The following GRIA2 variants were observed in gnomAD, a reference collection of about 807,000 sequenced individuals.
The protein encoded by GRIA2 is glutamate receptor 2.
In GRIA2, 14 loss-of-function variants were observed where a neutral mutation model predicts 97.3. The observed-to-expected ratio is 0.14, with a 90% CI of 0.10 to 0.23. The LOEUF (loss-of-function observed/expected upper bound fraction) is 0.23. GRIA2 is among the 10% of genes least tolerant of loss of function. The pLI, the probability that GRIA2 is intolerant of heterozygous loss-of-function variation, is 1.00. For synonymous variants in GRIA2, 412 were observed against 387.8 expected, an observed-to-expected ratio of 1.06 and a Z score of -0.73; for missense variants, 558 against 1,069.8, an observed-to-expected ratio of 0.52 and a Z score of 6.67.
rs1731337563 is a variant in GRIA2, at chr4:157,257,635, T to G, written c.229+35828T>G. 1.1e-4 allele frequency among the ~76,000 whole-genome samples: 17 copies of G among 152,250 alleles called. No homozygotes were observed. In the South Asian group the frequency reaches 3.3e-3, roughly 30 times the overall value. ...AGTATATAATTTTCTTTTGATCTTT[T>G]AATCTATTTATGAAGATAATTTACT... is the stretch of plus-strand genomic sequence containing the variant. On this transcript the variant is annotated intron_variant, in intron 2 of 15. Coordinates refer to ENST00000264426, the MANE Select transcript of GRIA2 (RefSeq NM_001083619.3).
intron 2 of GRIA2, among the ~76,000 whole-genome samples, chr4:157,287,042 T>C (rs1209747122): frequency 6.6e-6 from 1 of 151,598 alleles, no homozygotes; most frequent in African/African-American, 2.4e-5. Flanking sequence ...CTATTCTCTA[T>C]TCTGTCTGGA....
intron 2 of GRIA2, among the ~76,000 whole-genome samples, chr4:157,277,053 A>G (rs1348829692): frequency 2.0e-5 from 3 of 151,924 alleles, no homozygotes; most frequent in South Asian, 2.1e-4. Context: ...AAGCAACATT[A>G]CCCTATTACT....
chr4:157,313,761 A>G (rs1225717841), intron 4 of GRIA2, among the ~76,000 whole-genome samples: 1 of 151,812 alleles, frequency 6.6e-6, no homozygotes, highest in Non-Finnish European at 1.5e-5. Context: ...GTGTATACAT[A>G]TGCATATATG....
At chr4:157,243,488 T>C (rs548064151) in intron 2 of GRIA2, among the ~76,000 whole-genome samples, 12 of 152,256 alleles carry the variant, frequency 7.9e-5, no homozygotes, top group East Asian at 3.9e-4. Flanking sequence ...TTCAAATTCA[T>C]GGTGGCACAG....
At chr4:157,339,173 T>C (rs540689194) in intron 11 of GRIA2, among the ~76,000 whole-genome samples, 2 of 152,080 alleles carry the variant, frequency 1.3e-5, no homozygotes, top group South Asian at 2.1e-4. Flanking sequence ...GTAAAGGTTA[T>C]TTTTATTGTC....
chr4:157,305,419 G>A (rs1267291228), intron 3 of GRIA2, among the ~76,000 whole-genome samples: 1 of 151,914 alleles, frequency 6.6e-6, no homozygotes, highest in Non-Finnish European at 1.5e-5. Context: ...AGGAATTACT[G>A]TTAAAAAATT....
At chr4:157,277,510 A>C (rs192772719) in intron 2 of GRIA2, among the ~76,000 whole-genome samples, 1 of 151,906 alleles carries the variant, frequency 6.6e-6, no homozygotes. Context: ...TTTTCAACAT[A>C]ATAGTGGAAT....
intron 2 of GRIA2, among the ~76,000 whole-genome samples, chr4:157,239,751 A>G (rs909367834): frequency 6.6e-6 from 1 of 152,006 alleles, no homozygotes; most frequent in South Asian, 2.1e-4. Context: ...AGTATTGTTT[A>G]CACATCTATA....
intron 2 of GRIA2, among the ~76,000 whole-genome samples, chr4:157,250,935 T>A (rs1290476422): frequency 6.6e-6 from 1 of 152,110 alleles, no homozygotes; most frequent in Non-Finnish European, 1.5e-5. Flanking sequence ...TGCTTGCTTT[T>A]CCTCTTCTTG....
chr4:157,345,456 TA>T (rs1735726897), intron 12 of GRIA2, among the ~76,000 whole-genome samples: 1 of 152,138 alleles, frequency 6.6e-6, no homozygotes, highest in Non-Finnish European at 1.5e-5. Context: ...TACCTATAAT[TA>T]AGAGAGAATT....
At chr4:157,241,058 C>T (rs963127829) in intron 2 of GRIA2, among the ~76,000 whole-genome samples, 1 of 152,106 alleles carries the variant, frequency 6.6e-6, no homozygotes, top group African/African-American at 2.4e-5. Context: ...TTTATGGCTG[C>T]ATAGTATTCC....
At chr4:157,271,473 A>T (rs1579320393) in intron 2 of GRIA2, among the ~76,000 whole-genome samples, 1 of 152,228 alleles carries the variant, frequency 6.6e-6, no homozygotes, top group Middle Eastern at 3.4e-3. Context: ...GGAAACACTT[A>T]CATTTACAGG....
At chr4:157,251,694 C>T (rs1022268225) in intron 2 of GRIA2, among the ~76,000 whole-genome samples, 2 of 152,056 alleles carry the variant, frequency 1.3e-5, no homozygotes, top group African/African-American at 4.8e-5. Flanking sequence ...AATGTTCTTC[C>T]AATAACACTG....
intron 2 of GRIA2, among the ~76,000 whole-genome samples, chr4:157,262,807 G>A (rs189487866): frequency 9.9e-5 from 15 of 151,900 alleles, no homozygotes; most frequent in Admixed American, 2.6e-4. Flanking sequence ...GCAAAGTACC[G>A]AAGTCACCAT....
chr4:157,325,972 C>T (rs1734786861), intron 6 of GRIA2, among the ~76,000 whole-genome samples: 1 of 152,132 alleles, frequency 6.6e-6, no homozygotes, highest in Non-Finnish European at 1.5e-5. Context: ...TCCAATGTCT[C>T]TCCATTTCAC....
At chr4:157,343,344 A>G (rs1735628852) in intron 12 of GRIA2, among the ~76,000 whole-genome samples, 1 of 152,104 alleles carries the variant, frequency 6.6e-6, no homozygotes, top group Non-Finnish European at 1.5e-5. Context: ...TATTAAACAG[A>G]AGCTCAGATA....
chr4:157,338,185 T>C (rs1343176052), intron 11 of GRIA2, among the ~76,000 whole-genome samples: 1 of 151,538 alleles, frequency 6.6e-6, no homozygotes, highest in Admixed American at 6.6e-5. Context: ...CTAACCAAAT[T>C]GGGGTCTCGG....
At chr4:157,295,267 C>T (rs559141223) in intron 2 of GRIA2, among the ~76,000 whole-genome samples, 1 of 152,108 alleles carries the variant, frequency 6.6e-6, no homozygotes, top group South Asian at 2.1e-4. Flanking sequence ...ATTACAGCCT[C>T]ATTGTCTTCT....
At chr4:157,292,251 A>G (rs1733139053) in intron 2 of GRIA2, among the ~76,000 whole-genome samples, 1 of 152,076 alleles carries the variant, frequency 6.6e-6, no homozygotes, top group Non-Finnish European at 1.5e-5. Flanking sequence ...AGGCATAGGG[A>G]CATATAGCAA....
Sources: gnomAD v4.1 joint callset for allele counts (sites outside exome capture counted in the v4.1 genomes callset) on GRCh38, gnomAD v4.1.1 for gene constraint, MANE v1.5 for transcripts, NCBI Gene and HGNC (gene_info 2026-07-23, HGNC 2026-07-21) for gene names.